The following VAV3 variants were observed in gnomAD, a reference collection of about 807,000 sequenced individuals.
VAV3 encodes the protein guanine nucleotide exchange factor VAV3.
In VAV3, 94 loss-of-function variants were observed where a neutral mutation model predicts 131.2. The ratio of observed to expected loss-of-function variants is 0.72; its 90% CI spans 0.61 to 0.85. The LOEUF is 0.85. Ranked by LOEUF, VAV3 falls within the 40% of genes least tolerant of loss-of-function variation. The pLI is 0.00. For synonymous variants in VAV3, 349 were observed against 342.0 expected, an observed-to-expected ratio of 1.02 and a Z score of -0.22; for missense variants, 939 against 1,002.7, an observed-to-expected ratio of 0.94 and a Z score of 0.86.
At chr1:107,711,213 G>T (rs1483815818) in intron 15 of VAV3, among the ~76,000 whole-genome samples, 3 of 152,164 alleles carry the variant, frequency 2.0e-5, no homozygotes, top group African/African-American at 7.2e-5. Flanking sequence ...GACATCAAGT[G>T]GCACCTGAAG....
At chr1:107,918,694 T>G (rs1212856164) in intron 1 of VAV3, among the ~76,000 whole-genome samples, 2 of 78,280 alleles carry the variant, frequency 2.6e-5, no homozygotes, top group African/African-American at 6.7e-5. Flanking sequence ...GGCATATATA[T>G]ATATATATAT....
At chr1:107,716,115 G>A (rs1210205306) in intron 15 of VAV3, among the ~76,000 whole-genome samples, 2 of 152,102 alleles carry the variant, frequency 1.3e-5, no homozygotes, top group Admixed American at 6.6e-5. Context: ...CAAATACAAA[G>A]TCTTGGTTTT....
chr1:107,587,644 G>A (rs1196613655), intron 25 of VAV3, among the ~76,000 whole-genome samples: 1 of 152,202 alleles, frequency 6.6e-6, no homozygotes, highest in Non-Finnish European at 1.5e-5. Flanking sequence ...ATGCTGGAGT[G>A]CAGTGGCACC....
intron 2 of VAV3, among the ~76,000 whole-genome samples, chr1:107,823,585 G>A (rs1667890840): frequency 6.6e-6 from 1 of 152,148 alleles, no homozygotes; most frequent in Non-Finnish European, 1.5e-5. Flanking sequence ...TGAGCAAAGA[G>A]ACAGAAGAAT....
chr1:107,734,549 GC>G (rs1179871150), intron 15 of VAV3, among the ~76,000 whole-genome samples: 1 of 152,056 alleles, frequency 6.6e-6, no homozygotes, highest in African/African-American at 2.4e-5. Flanking sequence ...AGAAAAGCAG[GC>G]CTTGCAATCC....
intron 2 of VAV3, among the ~76,000 whole-genome samples, chr1:107,860,260 AC>A (rs1443087606): frequency 6.6e-6 from 1 of 152,160 alleles, no homozygotes; most frequent in Non-Finnish European, 1.5e-5. Context: ...ACCTGGGACT[AC>A]ACATGCATGG....
At chr1:107,724,998 T>A (rs72705627) in intron 15 of VAV3, among the ~76,000 whole-genome samples, 13,784 of 152,226 alleles carry the variant, frequency 0.091, 855 homozygotes, top group East Asian at 0.25. Context: ...GCAGCCATGC[T>A]GAAGGGGTGA....
chr1:107,692,388 T>C lies in VAV3; in HGVS notation c.1706-3982A>G, dbSNP rs138016745. ...CACATTAATAATTATTAATGTACCATTAAACTGACCCAAATAGATGGAAGG... is the reference window on the plus strand; with the variant it reads ...CACATTAATAATTATTAATGTACCACTAAACTGACCCAAATAGATGGAAGG... On this transcript the variant is annotated intron_variant, in intron 17 of 26. Coordinates refer to ENST00000370056, the MANE Select transcript of VAV3 (RefSeq NM_006113.5). Among the ~76,000 whole-genome samples, 808 of 152,294 alleles carry C rather than the reference T, an allele frequency of 5.3e-3. 8 individuals are homozygous for C. The highest frequency in any genetic ancestry group is 0.019 in the African/African-American group (771 of 41,554).
At chr1:107,578,161 C>T (rs957897031) in intron 25 of VAV3, among the ~76,000 whole-genome samples, 4 of 152,162 alleles carry the variant, frequency 2.6e-5, no homozygotes, top group African/African-American at 4.8e-5. Context: ...TTCTTAGAAT[C>T]AATGGCCTTG....
At chr1:107,953,685 G>C (rs539638065) in intron 1 of VAV3, among the ~76,000 whole-genome samples, 79 of 152,294 alleles carry the variant, frequency 5.2e-4, no homozygotes, top group African/African-American at 1.9e-3. Context: ...CAGGTCTCCT[G>C]ACTCCTGACC....
intron 9 of VAV3, among the ~76,000 whole-genome samples, chr1:107,762,624 CTTATG>C: frequency 6.6e-6 from 1 of 152,158 alleles, no homozygotes; most frequent in African/African-American, 2.4e-5. Flanking sequence ...GCTTATATTT[CTTATG>C]TTATGCCATC....
rs762248588 is a variant in VAV3, at chr1:107,596,317, G to T, written c.2245C>A (p.His749Asn). The T allele has an allele frequency of 8.7e-6, 14 of 1,613,338 alleles. No homozygotes were observed. The highest frequency in any genetic ancestry group is 1.2e-5 in the Non-Finnish European group (14 of 1,179,468). Residue 749 changes from histidine (H) to asparagine (N), a missense_variant, in exon 25 of 27, where the codon CAT becomes AAT. His to Asn is a moderately conservative substitution (Grantham distance 68). Coordinates refer to ENST00000370056, the MANE Select transcript of VAV3 (RefSeq NM_006113.5). Reference sequence around the variant, plus strand: ...GTTCTGAACCCTTCCTTGAGAGAATGATGCTTGTAGTACTCCACAAGTTCC... The same window carrying T: ...GTTCTGAACCCTTCCTTGAGAGAATTATGCTTGTAGTACTCCACAAGTTCC... Reference protein sequence around the residue: ...LMELVEYYKHHSLKEGFRTLD... With the variant: ...LMELVEYYKHNSLKEGFRTLD...
chr1:107,679,175 G>A (rs1175272396), intron 19 of VAV3, among the ~76,000 whole-genome samples: 1 of 152,140 alleles, frequency 6.6e-6, no homozygotes, highest in East Asian at 1.9e-4. Context: ...ACCTGAAAGA[G>A]GAAGTGACCA....
At chr1:107,635,738 A>G (rs1462024373) in intron 20 of VAV3, among the ~76,000 whole-genome samples, 6 of 152,182 alleles carry the variant, frequency 3.9e-5, no homozygotes, top group African/African-American at 1.4e-4. Flanking sequence ...CACCATCCCA[A>G]TATCCCTAAG....
intron 19 of VAV3, among the ~76,000 whole-genome samples, chr1:107,645,934 G>A (rs1655707232): frequency 6.6e-6 from 1 of 151,994 alleles, no homozygotes; most frequent in Non-Finnish European, 1.5e-5. Context: ...CATTGTTGCA[G>A]AGTTTATTAA....
chr1:107,631,940 G>A (rs922408983), intron 20 of VAV3, among the ~76,000 whole-genome samples: 6 of 151,838 alleles, frequency 4.0e-5, no homozygotes, highest in African/African-American at 7.3e-5. Flanking sequence ...ATAAACATAC[G>A]TGTGCATGTA....
intron 1 of VAV3, among the ~76,000 whole-genome samples, chr1:107,932,355 A>G (rs1204903374): frequency 1.3e-5 from 2 of 152,218 alleles, no homozygotes; most frequent in Non-Finnish European, 2.9e-5. Context: ...AACTGGCAGA[A>G]GTCCTCTGCC....
chr1:107,763,890 A>C (rs1291588241), intron 9 of VAV3, among the ~76,000 whole-genome samples: 1 of 150,618 alleles, frequency 6.6e-6, no homozygotes, highest in Non-Finnish European at 1.5e-5. Flanking sequence ...GCTACACTGA[A>C]CAAAGAAAAG....
intron 15 of VAV3, among the ~76,000 whole-genome samples, chr1:107,723,668 C>T (rs1313037947): frequency 6.6e-6 from 1 of 152,120 alleles, no homozygotes; most frequent in East Asian, 1.9e-4. Flanking sequence ...CTCAAAGCTG[C>T]GCTAGTACCA....
Sources: gnomAD v4.1 joint callset for allele counts (sites outside exome capture counted in the v4.1 genomes callset) on GRCh38, gnomAD v4.1.1 for gene constraint, MANE v1.5 for transcripts, NCBI Gene and HGNC (gene_info 2026-07-23, HGNC 2026-07-21) for gene names.